Variants in ULBP3 observed in about 807,000 individuals in gnomAD.
ULBP3 encodes UL16-binding protein 3.
A neutral mutation model predicts 24.9 loss-of-function variants in ULBP3; 25 were observed. The observed-to-expected ratio is 1.00, with a 90% confidence interval of 0.73 to 1.40. ULBP3 has a LOEUF of 1.40. ULBP3 is among the 40% of genes most tolerant of loss of function. ULBP3 has a pLI of 0.00. For missense variants in ULBP3, 306 were observed against 307.5 expected, an observed-to-expected ratio of 1.00 and a Z score of 0.04; for synonymous variants, 114 against 114.7, an observed-to-expected ratio of 0.99 and a Z score of 0.04.
chr6:150,065,330 A>T lies in ULBP3; in HGVS notation c.628+68T>A, dbSNP rs73004046. 1.3e-3 allele frequency: 2,055 copies of T among 1,589,102 alleles called. 4 individuals are homozygous for T. The highest frequency in any genetic ancestry group is 1.6e-3 in the Non-Finnish European group (1,886 of 1,165,916). On this transcript the variant is annotated intron_variant, in intron 3 of 4. Coordinates refer to ENST00000367339, the MANE Select transcript of ULBP3 (RefSeq NM_024518.3). ...ATACACCCACACCCACCATACTCAGACACTGACAGACAAGGGTGTAACTCG... is the reference window on the plus strand; with the variant it reads ...ATACACCCACACCCACCATACTCAGTCACTGACAGACAAGGGTGTAACTCG...
intron 3 of ULBP3, among the ~76,000 whole-genome samples, chr6:150,065,011 G>A (rs1776324891): frequency 6.6e-6 from 1 of 152,092 alleles, no homozygotes; most frequent in Non-Finnish European, 1.5e-5. Context: ...GCTGCCATTC[G>A]AGGTGGTTTT....
chr6:150,066,125 A>C lies in ULBP3; in HGVS notation c.126T>G (p.His42Gln). Residue 42 changes from histidine to glutamine, a missense_variant, in exon 2 of 5, where the codon CAT (histidine) becomes CAG (glutamine). Transcript: ENST00000367339. ...ACCACTGTTGCCCATGTCTGGGCAA[A>C]TGAATGATGGTGAAGTTATACCAGA... ...HSLWYNFTII[H>Q]LPRHGQQWCE... 6.2e-7 allele frequency: 1 copy of C among 1,614,150 alleles called. No homozygotes were observed. Among genetic ancestry groups the C allele is most frequent in the Non-Finnish European group, 8.5e-7 (1 of 1,180,020 alleles).
chr6:150,065,577 A>T lies in ULBP3; in HGVS notation c.449T>A (p.Leu150His), dbSNP rs771796839. ...CTTTCTGTTGTTTGAGTCAAAGAGG[A>T]GGAACTTCCGTCCATCGAAGCTGAA... ...WQFSFDGRKF[L>H]LFDSNNRKWT... Residue 150 changes from leucine (L) to histidine (H), a missense_variant, in exon 3 of 5, where the codon CTC becomes CAC. Physicochemically the swap from Leu to His is moderately conservative, Grantham distance 99. Coordinates refer to ENST00000367339, the MANE Select transcript of ULBP3 (RefSeq NM_024518.3). 6.1e-5 allele frequency: 98 copies of T among 1,614,074 alleles called. No individual in the cohort carries two copies. Among genetic ancestry groups the T allele is most frequent in the Non-Finnish European group, 8.1e-5 (96 of 1,180,020 alleles).
rs1466765894 is a variant in ULBP3, at chr6:150,063,175, G to A, written c.*199C>T. 6.5e-6 allele frequency: 1 copy of A among 154,712 alleles called. No homozygotes were observed. The highest frequency in any genetic ancestry group is 2.4e-5 in the African/African-American group (1 of 41,234). The allele number at this position is 154,712 out of a possible 1,614,324, so 9.6% of individuals were successfully genotyped here. A position where few individuals can be genotyped will look rare whatever the true frequency, so the allele number is the denominator to read the frequency against. On this transcript the variant is annotated 3_prime_UTR_variant, in exon 5 of 5. Coordinates refer to ENST00000367339, the MANE Select transcript of ULBP3 (RefSeq NM_024518.3). The stretch of plus-strand genomic sequence containing the variant: ...CTGGGATCATGAGCGAAGGTAATGA[G>A]TGGCCTGAGATGTTGAGCCGACAAT...
intron 1 of ULBP3, among the ~76,000 whole-genome samples, chr6:150,068,070 G>T (rs1776372964): frequency 6.6e-6 from 1 of 152,122 alleles, no homozygotes; most frequent in South Asian, 2.1e-4. Context: ...GGGATGGGCA[G>T]GAGCAGGGCC....
Position 150,064,661 on chromosome 6 carries a change from G to C in ULBP3, c.681C>G (p.Thr227=). Residue 227 remains threonine, a synonymous_variant, in exon 4 of 5, where the codon ACC becomes ACG. Coordinates refer to ENST00000367339, the MANE Select transcript of ULBP3 (RefSeq NM_024518.3). The stretch of plus-strand genomic sequence containing the variant: ...TGATGAGGAAGCTCCAGGGACTGAG[G>C]GTGGTGGCTATGGCTTTGGGTTGAG... ...GLAQPKAIAT[T]LSPWSFLIIL... is the part of the protein sequence containing the mutation. The C allele has an allele frequency of 6.2e-7, 1 of 1,614,144 alleles. No homozygotes were observed.
intron 4 of ULBP3, 137 bp downstream of exon 4, chr6:150,064,448 G>C: frequency 1.3e-6 from 1 of 753,808 alleles, no homozygotes. Context: ...GGCGACACCA[G>C]GTCTCATTCA....
chr6:150,068,258 A>G (rs1030072701), intron 1 of ULBP3, among the ~76,000 whole-genome samples: 9 of 151,652 alleles, frequency 5.9e-5, no homozygotes, highest in Admixed American at 2.6e-4. Context: ...GAACCATGGG[A>G]CTCCCCCTCA....
In ULBP3 at chr6:150,065,537, G is replaced by A. The variant is rs375838318; in HGVS notation, c.489C>T (p.His163=). ...TCTCTTTCATCCGCCTGGCTCCAGC[G>A]TGAACCACTGTCCACTTTCTGTTGT... The part of the protein sequence containing the change: ...DSNNRKWTVV[H]AGARRMKEKW... Residue 163 remains histidine (H), a synonymous_variant, in exon 3 of 5, where the codon CAC becomes CAT. Transcript: ENST00000367339. The A allele has an allele frequency of 1.7e-4, 267 of 1,614,142 alleles. No individual in the cohort carries two copies. The highest frequency in any genetic ancestry group is 2.0e-4 in the Non-Finnish European group (233 of 1,180,030).
chr6:150,065,327 CAG>C, intron 3 of ULBP3, 69 bp downstream of exon 3: 1 of 1,586,640 alleles, frequency 6.3e-7, no homozygotes. Flanking sequence ...CCACCATACT[CAG>C]ACACTGACAG....
At chr6:150,066,977 C>G (rs112542059) in intron 1 of ULBP3, among the ~76,000 whole-genome samples, 2 of 152,052 alleles carry the variant, frequency 1.3e-5, no homozygotes, top group Non-Finnish European at 2.9e-5. Context: ...CAACTGTCAG[C>G]AGGAAGGAGG....
Position 150,068,974 on chromosome 6 carries a change from C to A in ULBP3, c.88+5G>T. ...GCCCCGCTTAGGCTCCATCCCCGAA[C>A]TCACCGGCCCGCCCCGTCCCGGACC... On this transcript the variant is annotated splice_donor_5th_base_variant and intron_variant, in intron 1 of 4. Transcript: ENST00000367339. 2 of 1,603,626 alleles carry A rather than the reference C, an allele frequency of 1.2e-6. No individual in the cohort carries two copies.
At chr6:150,065,330 A>G in intron 3 of ULBP3, 68 bp downstream of exon 3, 4 of 1,589,106 alleles carry the variant, frequency 2.5e-6, no homozygotes, top group Non-Finnish European at 3.4e-6. Flanking sequence ...CCATACTCAG[A>G]CACTGACAGA....
chr6:150,064,273 T>C (rs1350278997), intron 4 of ULBP3, among the ~76,000 whole-genome samples: 2 of 152,180 alleles, frequency 1.3e-5, no homozygotes, highest in Non-Finnish European at 2.9e-5. Context: ...CACACACCAC[T>C]ACCCTTCCCA....
rs1381784010 is a variant in ULBP3, at chr6:150,063,328, A to G, written c.*46T>C. ...AGCAGGAACCAGACCAGGCTAACAG[A>G]GGCTTCTTGATATCACCTTCCACCT... On this transcript the variant is annotated 3_prime_UTR_variant, in exon 5 of 5. Transcript: ENST00000367339. 3.6e-5 allele frequency: 35 copies of G among 977,158 alleles called. No homozygotes were observed. Among genetic ancestry groups the G allele is most frequent in the Non-Finnish European group, 3.9e-5 (32 of 822,526 alleles). The allele number at this position is 977,158 out of a possible 1,614,324, so 60.5% of individuals were successfully genotyped here.
chr6:150,065,818 G>T, intron 2 of ULBP3, 81 bp downstream of exon 2: 1 of 1,585,038 alleles, frequency 6.3e-7, no homozygotes, highest in Non-Finnish European at 8.6e-7. Context: ...GAGGTCCCAT[G>T]TCTAATTTCT....
chr6:150,062,782 A>G lies in ULBP3; in HGVS notation c.*592T>C, dbSNP rs550446078. Among the ~76,000 whole-genome samples the G allele has an allele frequency of 6.6e-6, 1 of 152,288 alleles. No homozygotes were observed. Among genetic ancestry groups the G allele is most frequent in the Non-Finnish European group, 1.5e-5 (1 of 68,026 alleles). On this transcript the variant is annotated 3_prime_UTR_variant, in exon 5 of 5. Coordinates refer to ENST00000367339, the MANE Select transcript of ULBP3 (RefSeq NM_024518.3). The stretch of plus-strand genomic sequence containing the variant: ...TTGTGCAGGAATTCCATCCATTAGC[A>G]CCGAGAGAAAGTGGCAGAAGGTGTT...
chr6:150,066,909 C>A (rs1776355314), intron 1 of ULBP3, among the ~76,000 whole-genome samples: 2 of 152,062 alleles, frequency 1.3e-5, no homozygotes, highest in South Asian at 4.1e-4. Context: ...CTGAAATGGG[C>A]TCCCAGTAGT....
rs1223456882 is a variant in ULBP3, at chr6:150,062,909, T to C, written c.*465A>G. On this transcript the variant is annotated 3_prime_UTR_variant, in exon 5 of 5. Transcript: ENST00000367339. ...TGAGGTCAGGAGATCGAGACCATCC[T>C]GGCTAACAAGGTGAAACCCTGTCTC... is the stretch of plus-strand genomic sequence containing the variant. Among the ~76,000 whole-genome samples, 3 of 151,646 alleles carry C rather than the reference T, an allele frequency of 2.0e-5. No homozygotes were observed. The highest frequency in any genetic ancestry group is 7.3e-5 in the African/African-American group (3 of 41,252).
Sources: allele counts gnomAD v4.1 joint callset (sites outside exome capture counted in the v4.1 genomes callset), GRCh38; gene constraint gnomAD v4.1.1; transcripts MANE v1.5; gene names NCBI Gene and HGNC (gene_info 2026-07-23, HGNC 2026-07-21).